The following LRRC27 variants were observed in gnomAD, a reference collection of about 807,000 sequenced individuals.
LRRC27 encodes the protein leucine rich repeat containing 27.
A neutral mutation model predicts 55.0 loss-of-function variants in LRRC27; 57 were observed. The ratio of observed to expected loss-of-function variants is 1.04; its 90% CI spans 0.84 to 1.29. The LOEUF is 1.29. Among genes scored for constraint, LRRC27 ranks in the 50% most tolerant of loss-of-function variants. The pLI is 0.00. For synonymous variants in LRRC27, 278 were observed against 251.9 expected (o/e 1.10, Z -0.98); for missense variants, 721 against 651.5 (o/e 1.11, Z -1.16).
At chr10:132,353,554 A>G (rs932435688) in intron 7 of LRRC27, among the ~76,000 whole-genome samples, 2 of 152,232 alleles carry the variant, frequency 1.3e-5, no homozygotes, top group African/African-American at 4.8e-5. Flanking sequence ...TGAAGTCCTC[A>G]GAACTGGTCC....
At chr10:132,336,208 G>C in intron 2 of LRRC27, among the ~76,000 whole-genome samples, 1 of 150,326 alleles carries the variant, frequency 6.7e-6, no homozygotes, top group Non-Finnish European at 1.5e-5. Context: ...ACTGGAATCA[G>C]CTTGCCCTGG....
intron 3 of LRRC27, among the ~76,000 whole-genome samples, chr10:132,338,872 G>A (rs2067256785): frequency 6.6e-6 from 1 of 151,958 alleles, no homozygotes; most frequent in Non-Finnish European, 1.5e-5. Context: ...ACCATGCCCG[G>A]CTAATTTTTG....
At chr10:132,351,456 C>A in intron 6 of LRRC27, 151 bp from the exon 7 acceptor site, 1 of 849,724 alleles carries the variant, frequency 1.2e-6, no homozygotes, top group Non-Finnish European at 1.9e-6. Context: ...ACAGTCAAGA[C>A]TGGACTCTGG....
At chr10:132,341,170 C>A (rs540284617) in intron 3 of LRRC27, among the ~76,000 whole-genome samples, 2 of 151,954 alleles carry the variant, frequency 1.3e-5, no homozygotes, top group South Asian at 4.1e-4. Context: ...GTGGCACACA[C>A]CATTAGTCTC....
At chr10:132,371,287 G>C in intron 10 of LRRC27, among the ~76,000 whole-genome samples, 1 of 152,000 alleles carries the variant, frequency 6.6e-6, no homozygotes, top group Non-Finnish European at 1.5e-5. Context: ...AATGGGGGAA[G>C]TAGGAGGGAC....
chr10:132,346,549 A>AC (rs2067705081), intron 5 of LRRC27, among the ~76,000 whole-genome samples: 1 of 152,064 alleles, frequency 6.6e-6, no homozygotes, highest in Non-Finnish European at 1.5e-5. Context: ...GGTCGTGGGC[A>AC]CCTGTAGTCC....
intron 5 of LRRC27, among the ~76,000 whole-genome samples, chr10:132,346,735 A>T (rs149544743): frequency 1.1e-3 from 175 of 152,278 alleles, no homozygotes; most frequent in Middle Eastern, 6.8e-3. Context: ...CATTTTCATG[A>T]ATTTCAGTTT....
chr10:132,344,925 C>T (rs578083742), intron 5 of LRRC27: 16 of 296,302 alleles, frequency 5.4e-5, no homozygotes, highest in African/African-American at 3.3e-4. Context: ...CAGTTATCAC[C>T]TCCAAGCCAC....
intron 7 of LRRC27, 34 bp downstream of exon 7, chr10:132,351,787 C>A (rs2261222): frequency 9.5e-6 from 15 of 1,575,940 alleles, no homozygotes; most frequent in Admixed American, 3.8e-5. Context: ...CCGCACAGCC[C>A]GCCCAGTGCA....
At chr10:132,333,819 G>A in intron 2 of LRRC27, 85 bp downstream of exon 2, 1 of 1,021,474 alleles carries the variant, frequency 9.8e-7, no homozygotes. Context: ...TTATTTGTAG[G>A]CTTCTTTCTC....
chr10:132,331,568 T>C (rs1035339575), upstream of LRRC27: 13 of 1,612,878 alleles, frequency 8.1e-6, no homozygotes, highest in Non-Finnish European at 1.1e-5. Context: ...CTGTGGGAAG[T>C]GGCTCCAGGA....
rs138601827 is a variant in LRRC27 at position 132,375,208 on chromosome 10, A to G, written c.1559A>G (p.Tyr520Cys). ...QPQNTFFNTK[Y>C]GESGNVRRYQ ...CAAAATACATTTTTTAACACAAAAT[A>G]TGGAGAATCAGGAAATGTTCGCAGA... Residue 520 changes from tyrosine to cysteine, a missense_variant, in exon 11 of 11, where the codon TAT becomes TGT. Transcript: ENST00000368614. 55 of 1,613,900 alleles carry G rather than the reference A, an allele frequency of 3.4e-5. No homozygotes were observed. The highest frequency in any genetic ancestry group is 3.1e-4 in the African/African-American group (23 of 75,036).
In LRRC27 at chr10:132,378,457, G is replaced by T. The variant is rs1337541606; in HGVS notation, c.*3215G>T. 6.7e-6 allele frequency: 1 copy of T among 148,272 alleles called. No homozygotes were observed. The highest frequency in any genetic ancestry group is 2.0e-4 in the East Asian group (1 of 5,088). 9.2% of individuals were successfully genotyped at this position (148,272 alleles called of 1,614,324 possible). Reference sequence around the variant, plus strand: ...CTCTTCTCCCTGAGACTTCAGTTTTGTGTGTGTGTGCACATGTGTGTATGC... The same window carrying T: ...CTCTTCTCCCTGAGACTTCAGTTTTTTGTGTGTGTGCACATGTGTGTATGC... On this transcript the variant is annotated 3_prime_UTR_variant, in exon 11 of 11. Coordinates refer to ENST00000368614, the MANE Select transcript of LRRC27 (RefSeq NM_030626.3).
In LRRC27 at chr10:132,376,631, A is replaced by G. The variant is rs1308038628; in HGVS notation, c.*1389A>G. ...TTCCAAGGTGCTCACCTGGTTGTTG[A>G]TCAGAGAGCGTGTCCGTTGTGATCC... On this transcript the variant is annotated 3_prime_UTR_variant, in exon 11 of 11. Transcript: ENST00000368614. 6.6e-6 allele frequency: 1 copy of G among 152,330 alleles called. No homozygotes were observed. Among genetic ancestry groups the G allele is most frequent in the Non-Finnish European group, 1.5e-5 (1 of 68,060 alleles). The allele number at this position is 152,330 out of a possible 1,614,324, so 9.4% of individuals were successfully genotyped here.
In LRRC27 at chr10:132,344,563, G is replaced by T. The variant is rs753261028; in HGVS notation, c.466G>T (p.Val156Phe). ...HCPLEFPPQL[V>F]VQKGLVAIQR... Reference sequence around the variant, plus strand: ...CCCTCTGGAATTCCCTCCTCAGCTCGTTGTGCAGAAGGGATTGGTGGCTAT... The same window carrying T: ...CCCTCTGGAATTCCCTCCTCAGCTCTTTGTGCAGAAGGGATTGGTGGCTAT... Residue 156 changes from valine to phenylalanine, a missense_variant, in exon 5 of 11, where the codon GTT becomes TTT. By Grantham distance (50) the Val-to-Phe change is conservative. Coordinates refer to ENST00000368614, the MANE Select transcript of LRRC27 (RefSeq NM_030626.3). 6.2e-7 allele frequency: 1 copy of T among 1,614,094 alleles called. No individual in the cohort carries two copies. Among genetic ancestry groups the T allele is most frequent in the East Asian group, 2.2e-5 (1 of 44,884 alleles).
rs2069346236 is a variant in LRRC27, at chr10:132,377,003, T to C, written c.*1761T>C. ...TTTTATCTTCCTGTCGAACTGACCT[T>C]GTCATTATTATGAACTATTTCTCTT... On this transcript the variant is annotated 3_prime_UTR_variant, in exon 11 of 11. Transcript: ENST00000368614. 1 of 152,272 alleles carries C rather than the reference T, an allele frequency of 6.6e-6. No homozygotes were observed. Among genetic ancestry groups the C allele is most frequent in the South Asian group, 2.1e-4 (1 of 4,838 alleles). The allele number at this position is 152,272 out of a possible 1,614,324, so 9.4% of individuals were successfully genotyped here.
chr10:132,345,781 AG>A (rs2067655123), intron 5 of LRRC27, among the ~76,000 whole-genome samples: 1 of 152,156 alleles, frequency 6.6e-6, no homozygotes, highest in African/African-American at 2.4e-5. Flanking sequence ...GCCAGGACAC[AG>A]GGAGCACAGG....
chr10:132,331,814 C>A, upstream of LRRC27: 1 of 1,578,396 alleles, frequency 6.3e-7, no homozygotes, highest in Non-Finnish European at 8.6e-7. Context: ...CCGTCGACCA[C>A]CACCCCTTCA....
chr10:132,354,368 C>T (rs2068209762), intron 7 of LRRC27, among the ~76,000 whole-genome samples: 1 of 152,236 alleles, frequency 6.6e-6, no homozygotes, highest in African/African-American at 2.4e-5. Flanking sequence ...TGGACAGCGT[C>T]ACCCCTTTGC....
Sources: gnomAD v4.1 joint callset for allele counts (sites outside exome capture counted in the v4.1 genomes callset) on GRCh38, gnomAD v4.1.1 for gene constraint, MANE v1.5 for transcripts, NCBI Gene and HGNC (gene_info 2026-07-23, HGNC 2026-07-21) for gene names.